Variants in PRAM1 observed in about 807,000 individuals in gnomAD.
The protein encoded by PRAM1 is PML-RARA-regulated adapter molecule 1.
A neutral mutation model predicts 55.3 loss-of-function variants in PRAM1; 41 were observed. The observed-to-expected ratio is 0.74, with a 90% CI of 0.58 to 0.96. PRAM1 has a LOEUF of 0.96. Ranked by LOEUF, PRAM1 falls within the 40% of genes least tolerant of loss-of-function variation. PRAM1 has a pLI of 0.00. For synonymous variants in PRAM1, 401 were observed against 387.1 expected (o/e 1.04, Z -0.42); for missense variants, 898 against 892.7 (o/e 1.01, Z -0.08).
chr19:8,501,337 C>T (rs1223104460), intron 1 of PRAM1, among the ~76,000 whole-genome samples: 2 of 151,744 alleles, frequency 1.3e-5, no homozygotes, highest in African/African-American at 4.8e-5. Flanking sequence ...TCAAGTGATC[C>T]ACCCACCTCG....
rs1277223333 is a variant in PRAM1, at chr19:8,493,572, C to G, written c.1577-2415G>C. Among the ~76,000 whole-genome samples, 1 of 151,030 alleles carries G rather than the reference C, an allele frequency of 6.6e-6. No homozygotes were observed. Among genetic ancestry groups the G allele is most frequent in the Non-Finnish European group, 1.5e-5 (1 of 68,036 alleles). ...GCCCGCCTTCCCCGCATGGCCAGCT[C>G]AGATCCCTGGGAAAGGCTGGGCTCT... is the stretch of plus-strand genomic sequence containing the variant. On this transcript the variant is annotated intron_variant, in intron 4 of 9. Coordinates refer to ENST00000423345, the MANE Select transcript of PRAM1 (RefSeq NM_032152.5). This position sits in a 1 kb window ranked among gnomAD's most constrained non-coding sequence, Gnocchi z 4.1.
intron 3 of PRAM1, 42 bp from the exon 4 acceptor site, chr19:8,497,882 T>C: frequency 2.2e-6 from 3 of 1,393,176 alleles, no homozygotes; most frequent in Non-Finnish European, 2.9e-6. Flanking sequence ...TTTTTTTTTT[T>C]TTTTTTTTTT....
At position 8,498,848 on chromosome 19, in the gene PRAM1, CT is replaced by C. The variant is rs1330509560; in HGVS notation, c.959del (p.Lys320SerfsTer158). The C allele has an allele frequency of 2.5e-6, 4 of 1,607,000 alleles. No homozygotes were observed. The highest frequency in any genetic ancestry group is 2.5e-6 in the Non-Finnish European group (3 of 1,177,072). On this transcript the variant is annotated frameshift_variant, in exon 2 of 10. Transcript: ENST00000423345. LOFTEE classifies it high-confidence loss of function. Reference protein sequence around the residue: ...RPAEFKALSKKPPQPELGGLP... With the variant: ...RPAEFKALSKXPPQPELGGLP... ...GGCCGCCCAGCTCGGGCTGCGGGGG[CT>C]TCTTGGAGAGCGCTTTGAATTCGGC...
At chr19:8,502,360 C>T (rs1204221093) in intron 1 of PRAM1, among the ~76,000 whole-genome samples, 1 of 152,140 alleles carries the variant, frequency 6.6e-6, no homozygotes, top group East Asian at 1.9e-4. Flanking sequence ...GAGCGTGAAC[C>T]CCCAGGAGCC....
In PRAM1 at chr19:8,499,482, G is replaced by A; in HGVS notation, c.326C>T (p.Pro109Leu). Residue 109 changes from proline to leucine, a missense_variant, in exon 2 of 10, where the codon CCG (proline) becomes CTG (leucine). Pro to Leu is a moderately conservative substitution (Grantham distance 98). Around this residue, in one of 4 missense-constraint regions of PRAM1, gnomAD observed 30 missense variants for 44.6 expected, o/e 0.67. Transcript: ENST00000423345. ...EVTDLPKKPP[P>L]PEVTDLPKKP... is the part of the protein sequence containing the mutation. ...CTTGGGGAGGTCAGTGACCTCAGGC[G>A]GCGGGGGCTTCTTGGGGAGGTCAGT... The A allele has an allele frequency of 6.2e-7, 1 of 1,606,612 alleles. No individual in the cohort carries two copies. The highest frequency in any genetic ancestry group is 1.1e-5 in the South Asian group (1 of 90,646).
At chr19:8,496,820 G>A (rs529869263) in intron 4 of PRAM1, among the ~76,000 whole-genome samples, 1 of 152,002 alleles carries the variant, frequency 6.6e-6, no homozygotes, top group Admixed American at 6.6e-5. Flanking sequence ...GGTGGATCAC[G>A]AGGTCAGGAG....
Position 8,499,340 on chromosome 19 carries a change from C to T in PRAM1, c.468G>A (p.Ser156=). Residue 156 remains serine (S), a synonymous_variant, in exon 2 of 10, where the codon TCG becomes TCA. Transcript: ENST00000423345. ...PEVGEAPLKA[S]LPEPGAPARK... ...GGGCCGGCGCACCAGGCTCCGGCAG[C>T]GAGGCCTTCAAAGGGGCCTCACCGA... 1 of 1,611,154 alleles carries T rather than the reference C, an allele frequency of 6.2e-7. No individual in the cohort carries two copies. The highest frequency in any genetic ancestry group is 8.5e-7 in the Non-Finnish European group (1 of 1,179,126).
intron 1 of PRAM1, among the ~76,000 whole-genome samples, chr19:8,500,492 G>C (rs1971791680): frequency 6.6e-6 from 1 of 151,642 alleles, no homozygotes; most frequent in Non-Finnish European, 1.5e-5. Flanking sequence ...GTTGAACCCT[G>C]AGTCTGTTTG....
chr19:8,498,123 GC>G, intron 3 of PRAM1, 99 bp downstream of exon 3: 1 of 1,265,774 alleles, frequency 7.9e-7, no homozygotes. Flanking sequence ...CAGGAGATCC[GC>G]CCACTTCAGC....
intron 4 of PRAM1, chr19:8,491,994 C>G (rs1043257621): frequency 6.6e-6 from 1 of 151,858 alleles, no homozygotes; most frequent in African/African-American, 2.4e-5. Context: ...TGCAATGGCG[C>G]GATCTCAGCT....
At chr19:8,502,464 G>GGGCCCCCCCCCCCCCC in intron 1 of PRAM1, 101 bp downstream of exon 1, 1 of 216,460 alleles carries the variant, frequency 4.6e-6, no homozygotes. Context: ...GCCACCCCCC[G>GGGCCCCCCCCCCCCCC]CCCCCCCGCC....
In PRAM1 at chr19:8,498,744, C is replaced by A. The variant is rs373788642; in HGVS notation, c.1064G>T (p.Arg355Leu). ...LLQPERRGPP[R>L]KFSQPEPSAV... is the part of the protein sequence containing the mutation. ...GCTGGGCTCAGGCTGTGAGAACTTG[C>A]GGGGTGGCCCCCGGCGCTCCGGCTG... Residue 355 changes from arginine (R) to leucine (L), a missense_variant, in exon 2 of 10, where the codon CGC (arginine) becomes CTC (leucine). By Grantham distance (102) the Arg-to-Leu change is moderately radical. Coordinates refer to ENST00000423345, the MANE Select transcript of PRAM1 (RefSeq NM_032152.5). The A allele has an allele frequency of 2.2e-5, 35 of 1,577,936 alleles. No homozygotes were observed. Among genetic ancestry groups the A allele is most frequent in the Non-Finnish European group, 2.9e-5 (34 of 1,162,828 alleles).
intron 4 of PRAM1, among the ~76,000 whole-genome samples, chr19:8,497,374 G>A (rs145464505): frequency 5.7e-4 from 86 of 151,952 alleles, no homozygotes; most frequent in African/African-American, 1.9e-3. Flanking sequence ...ATGAGGTCTC[G>A]CTCTGTGGCC....
rs1054387661 is a variant in PRAM1 at position 8,497,500 on chromosome 19, CA to C, written c.1576+263del. On this transcript the variant is annotated intron_variant, in intron 4 of 9. Transcript: ENST00000423345. Reference sequence around the variant, plus strand: ...GCTCCCAAAGCTCTGGGATTACAGGCATGAGCCACTGCACCCGGCCTGATGC... The same window carrying C: ...GCTCCCAAAGCTCTGGGATTACAGGCTGAGCCACTGCACCCGGCCTGATGC... Among the ~76,000 whole-genome samples the C allele has an allele frequency of 8.5e-5, 13 of 152,208 alleles. 1 individual carries two copies. Among genetic ancestry groups the C allele is most frequent in the African/African-American group, 3.1e-4 (13 of 41,546 alleles).
At chr19:8,499,892 C>T in intron 1 of PRAM1, 112 bp from the exon 2 acceptor site, 1 of 875,628 alleles carries the variant, frequency 1.1e-6, no homozygotes, top group South Asian at 1.8e-5. Flanking sequence ...TGCGCCCAGG[C>T]CCGGTCAGCC....
rs373373990 is a variant in PRAM1 at position 8,490,299 on chromosome 19, C to T, written c.1975+39G>A. On this transcript the variant is annotated intron_variant, in intron 9 of 9. Transcript: ENST00000423345. The surrounding 1 kb of genome is among the most constrained non-coding windows in gnomAD (Gnocchi z 7.3). ...ATAGTGAGCAGCGCCCCCGGGGAATCGCCAGGGTCCCTCCAGCCCTCCCAG... is the reference window on the plus strand; with the variant it reads ...ATAGTGAGCAGCGCCCCCGGGGAATTGCCAGGGTCCCTCCAGCCCTCCCAG... 50 of 1,613,778 alleles carry T rather than the reference C, an allele frequency of 3.1e-5. No individual in the cohort carries two copies. The African/African-American group carries it at 5.2e-4, about 17-fold the overall frequency.
chr19:8,498,143 G>T (rs1012278841), intron 3 of PRAM1, 80 bp downstream of exon 3: 7 of 1,474,892 alleles, frequency 4.7e-6, no homozygotes, highest in Non-Finnish European at 6.5e-6. Context: ...GCCTCCCGAA[G>T]TTCTGGGAGC....
Position 8,497,858 on chromosome 19 carries a change from A to G in PRAM1, c.1500-18T>C. The G allele has an allele frequency of 4.8e-6, 4 of 826,084 alleles. No individual in the cohort carries two copies. The highest frequency in any genetic ancestry group is 7.7e-6 in the Non-Finnish European group (4 of 516,840). The allele number at this position is 826,084 out of a possible 1,614,324, so 51.2% of individuals were successfully genotyped here. A position where few individuals can be genotyped will look rare whatever the true frequency, so the allele number is the denominator to read the frequency against. On this transcript the variant is annotated intron_variant, in intron 3 of 9. Transcript: ENST00000423345. Reference sequence around the variant, plus strand: ...CTGGGACCCTGCGGGGATACCTGAGATGAGGCCTCTTCTTTTTTTTTTTTT... The same window carrying G: ...CTGGGACCCTGCGGGGATACCTGAGGTGAGGCCTCTTCTTTTTTTTTTTTT...
intron 4 of PRAM1, chr19:8,492,141 G>GC (rs1241420535): frequency 7.3e-5 from 11 of 151,314 alleles, no homozygotes. Context: ...CACCATGTTG[G>GC]CCAGGCTGGT....
Sources: allele counts gnomAD v4.1 joint callset (sites outside exome capture counted in the v4.1 genomes callset), GRCh38; gene constraint gnomAD v4.1.1; regional missense constraint gnomAD v4.1.1; non-coding constraint Gnocchi (gnomAD v3.1); transcripts MANE v1.5; gene names NCBI Gene and HGNC (gene_info 2026-07-23, HGNC 2026-07-21).